The following NSUN3 variants were observed in gnomAD, a reference collection of about 807,000 sequenced individuals.
NSUN3 encodes the protein NOP2/Sun RNA methyltransferase 3.
Under a neutral mutation model 36.8 loss-of-function variants are expected in NSUN3, and 24 were observed. The ratio of observed to expected loss-of-function variants is 0.65; its 90% CI spans 0.47 to 0.92. The LOEUF (loss-of-function observed/expected upper bound fraction) is 0.92. Among genes scored for constraint, NSUN3 ranks in the 40% least tolerant of loss-of-function variants. The probability of loss-of-function intolerance (pLI) is 0.00; values close to 1 mark genes in which losing one functional copy is unlikely to be tolerated. For missense variants in NSUN3, 381 were observed against 392.8 expected (o/e 0.97, Z 0.25); for synonymous variants, 146 against 145.2 (o/e 1.01, Z -0.04).
chr3:94,064,322 A>G lies in NSUN3; in HGVS notation c.13-115A>G, dbSNP rs1051924087. 1.4e-5 allele frequency: 9 copies of G among 655,100 alleles called. No individual in the cohort carries two copies. In the African/African-American group the frequency reaches 1.5e-4, roughly 11 times the overall value. The allele number at this position is 655,100 out of a possible 1,614,324, so 40.6% of individuals were successfully genotyped here. On this transcript the variant is annotated intron_variant, in intron 1 of 5. Coordinates refer to ENST00000314622, the MANE Select transcript of NSUN3 (RefSeq NM_022072.5). The stretch of plus-strand genomic sequence containing the variant: ...TGTAAGGTATTGCTTCCATTTCAAG[A>G]ACTAGTAATTATCCAAAAAAAGTGT...
chr3:94,064,404 CTGTG>C lies in NSUN3; in HGVS notation c.13-29_13-26del, dbSNP rs764084474. 2.3e-6 allele frequency: 3 copies of C among 1,302,246 alleles called. No homozygotes were observed. In the African/African-American group the frequency reaches 4.4e-5, roughly 19 times the overall value. 80.7% of individuals were successfully genotyped at this position (1,302,246 alleles called of 1,614,324 possible). On this transcript the variant is annotated intron_variant, in intron 1 of 5. Transcript: ENST00000314622. ...GACGTTCAGTAAATTTGTAATATCACTGTGTGTCAGCAACTTTTTCTTATCGTCA... is the reference window on the plus strand; with the variant it reads ...GACGTTCAGTAAATTTGTAATATCACTGTCAGCAACTTTTTCTTATCGTCA...
At chr3:94,098,684 C>T (rs984353885) in intron 5 of NSUN3, among the ~76,000 whole-genome samples, 4 of 152,108 alleles carry the variant, frequency 2.6e-5, no homozygotes, top group African/African-American at 9.7e-5. Flanking sequence ...CTCAACAGTC[C>T]ACACAGTGTC....
chr3:94,077,828 T>C (rs1338490323), intron 2 of NSUN3, among the ~76,000 whole-genome samples: 1 of 152,212 alleles, frequency 6.6e-6, no homozygotes, highest in East Asian at 1.9e-4. Context: ...TTCTTCTCTC[T>C]TTTCTTCTTT....
At chr3:94,097,856 T>C (rs1018286099) in intron 5 of NSUN3, among the ~76,000 whole-genome samples, 14 of 152,184 alleles carry the variant, frequency 9.2e-5, no homozygotes, top group Non-Finnish European at 4.4e-5. Flanking sequence ...CTGATATTGA[T>C]CCTTTTCTCT....
chr3:94,089,834 G>T (rs1460312481), intron 3 of NSUN3, among the ~76,000 whole-genome samples: 1 of 152,068 alleles, frequency 6.6e-6, no homozygotes, highest in Admixed American at 6.6e-5. Flanking sequence ...CTTAAACTTG[G>T]CTTGGTCTCT....
chr3:94,113,082 T>C (rs543054508), intron 5 of NSUN3, among the ~76,000 whole-genome samples: 1 of 152,066 alleles, frequency 6.6e-6, no homozygotes, highest in Non-Finnish European at 1.5e-5. Context: ...GCCAGGATGG[T>C]CTCAATCTCC....
chr3:94,087,954 C>T (rs552210212), intron 3 of NSUN3, among the ~76,000 whole-genome samples: 5 of 152,302 alleles, frequency 3.3e-5, no homozygotes, highest in African/African-American at 1.2e-4. Flanking sequence ...CAGATGTGAG[C>T]CACTGAGCCC....
chr3:94,083,105 C>CT (rs35424977), intron 2 of NSUN3, among the ~76,000 whole-genome samples: 1,655 of 132,024 alleles, frequency 0.013, 24 homozygotes, highest in African/African-American at 0.033. Flanking sequence ...GGCAGGCTGC[C>CT]TTTTTTTTTT....
intron 3 of NSUN3, among the ~76,000 whole-genome samples, chr3:94,092,406 T>C (rs2077318934): frequency 6.6e-6 from 1 of 152,188 alleles, no homozygotes; most frequent in African/African-American, 2.4e-5. Flanking sequence ...GTCCATACCA[T>C]GAACTTCTGT....
chr3:94,097,463 C>T (rs2077347193), intron 5 of NSUN3, among the ~76,000 whole-genome samples: 1 of 151,432 alleles, frequency 6.6e-6, no homozygotes, highest in African/African-American at 2.4e-5. Context: ...TATTGTATTC[C>T]TTTTTAATCC....
intron 2 of NSUN3, chr3:94,076,291 C>G: frequency 1.1e-6 from 1 of 878,872 alleles, no homozygotes; most frequent in East Asian, 2.4e-5. Context: ...CACAAGGCAA[C>G]AGTCTTGTCA....
chr3:94,100,786 G>A (rs980818884), intron 5 of NSUN3, among the ~76,000 whole-genome samples: 2 of 151,898 alleles, frequency 1.3e-5, no homozygotes, highest in African/African-American at 4.8e-5. Flanking sequence ...TGCCCTTTAT[G>A]ACTGCGTGAA....
At chr3:94,073,864 A>T (rs1446932059) in intron 2 of NSUN3, among the ~76,000 whole-genome samples, 1 of 152,126 alleles carries the variant, frequency 6.6e-6, no homozygotes, top group Non-Finnish European at 1.5e-5. Flanking sequence ...TTAGACATGA[A>T]GTCTTTGCCC....
At chr3:94,106,971 C>CTT (rs796573795) in intron 5 of NSUN3, among the ~76,000 whole-genome samples, 8 of 148,026 alleles carry the variant, frequency 5.4e-5, no homozygotes, top group Non-Finnish European at 9.0e-5. Flanking sequence ...GCAATTAAAA[C>CTT]TTTTTTTTTT....
chr3:94,106,487 T>C (rs2077389424), intron 5 of NSUN3, among the ~76,000 whole-genome samples: 1 of 152,136 alleles, frequency 6.6e-6, no homozygotes, highest in African/African-American at 2.4e-5. Context: ...GCTTGTAAAA[T>C]AATACTTTTA....
At chr3:94,113,432 G>T (rs1436694014) in intron 5 of NSUN3, among the ~76,000 whole-genome samples, 1 of 152,134 alleles carries the variant, frequency 6.6e-6, no homozygotes, top group Non-Finnish European at 1.5e-5. Context: ...ATTGAATGAG[G>T]TAACATATAA....
At chr3:94,100,518 T>G (rs766425952) in intron 5 of NSUN3, among the ~76,000 whole-genome samples, 3 of 152,156 alleles carry the variant, frequency 2.0e-5, no homozygotes, top group Non-Finnish European at 2.9e-5. Context: ...AAAGTCTAAC[T>G]CTCGGTTAGA....
At chr3:94,063,161 G>A in intron 1 of NSUN3, 23 bp downstream of exon 1, 2 of 1,613,708 alleles carry the variant, frequency 1.2e-6, no homozygotes, top group African/African-American at 1.3e-5. Context: ...GCCCGGCTGG[G>A]TACCTCTATC....
intron 5 of NSUN3, among the ~76,000 whole-genome samples, chr3:94,099,241 T>A (rs531999738): frequency 1.6e-4 from 25 of 152,322 alleles, no homozygotes; most frequent in African/African-American, 4.6e-4. Flanking sequence ...TAGTTTTTTT[T>A]AAATCATTTA....
Sources: allele counts gnomAD v4.1 joint callset (sites outside exome capture counted in the v4.1 genomes callset), GRCh38; gene constraint gnomAD v4.1.1; transcripts MANE v1.5; gene names NCBI Gene and HGNC (gene_info 2026-07-23, HGNC 2026-07-21).